DNM3: variants seen among roughly 807,000 people sequenced by gnomAD.
DNM3 encodes the protein dynamin-3.
A neutral mutation model predicts 101.6 loss-of-function variants in DNM3; 47 were observed. The observed-to-expected ratio is 0.46, with a 90% CI of 0.37 to 0.59. The LOEUF is 0.59. Ranked by LOEUF, DNM3 falls within the 20% of genes least tolerant of loss-of-function variation. The pLI is 0.00. For missense variants in DNM3, 849 were observed against 1,085.7 expected (o/e 0.78, Z 3.06); for synonymous variants, 385 against 387.9 (o/e 0.99, Z 0.09).
At chr1:171,855,052 G>A (rs1350126696) in intron 1 of DNM3, among the ~76,000 whole-genome samples, 3 of 151,950 alleles carry the variant, frequency 2.0e-5, no homozygotes, top group African/African-American at 2.4e-5. Context: ...CCCTCAAGGA[G>A]GCCCCAGTGT....
intron 20 of DNM3, among the ~76,000 whole-genome samples, chr1:172,398,161 C>T (rs1276356883): frequency 6.6e-6 from 1 of 152,150 alleles, no homozygotes; most frequent in Non-Finnish European, 1.5e-5. Flanking sequence ...GTCTTTAGCT[C>T]AGAAAGCAAT....
intron 14 of DNM3, among the ~76,000 whole-genome samples, chr1:172,227,089 A>G (rs185382844): frequency 2.6e-5 from 4 of 151,436 alleles, no homozygotes; most frequent in African/African-American, 9.7e-5. Context: ...TCCAATGTCC[A>G]TTATACCACT....
intron 14 of DNM3, among the ~76,000 whole-genome samples, chr1:172,212,605 T>C (rs990323615): frequency 6.6e-6 from 1 of 152,176 alleles, no homozygotes; most frequent in Non-Finnish European, 1.5e-5. Context: ...GAAGGTGTGA[T>C]ATGTCATTTA....
chr1:172,232,873 G>A (rs1378964561), intron 14 of DNM3, among the ~76,000 whole-genome samples: 2 of 152,048 alleles, frequency 1.3e-5, no homozygotes, highest in Non-Finnish European at 1.5e-5. Flanking sequence ...AGAATCTCTG[G>A]GACACATTTA....
intron 6 of DNM3, among the ~76,000 whole-genome samples, chr1:172,035,977 C>T (rs1355683987): frequency 6.6e-6 from 1 of 151,730 alleles, no homozygotes; most frequent in Non-Finnish European, 1.5e-5. Flanking sequence ...TATGTTAATT[C>T]TCCTTACTTT....
At chr1:171,991,287 C>T (rs1463452353) in intron 4 of DNM3, among the ~76,000 whole-genome samples, 2 of 152,072 alleles carry the variant, frequency 1.3e-5, no homozygotes, top group Non-Finnish European at 2.9e-5. Context: ...ATTGAGGGTT[C>T]AGTCCCACAA....
In DNM3 at chr1:172,278,296, G is replaced by A. The variant is rs1411536522; in HGVS notation, c.1769+24614G>A. 8.5e-5 allele frequency among the ~76,000 whole-genome samples: 13 copies of A among 152,070 alleles called. No homozygotes were observed. In the East Asian group the frequency reaches 2.3e-3, roughly 27 times the overall value. On this transcript the variant is annotated intron_variant, in intron 15 of 20. Coordinates refer to ENST00000627582, the MANE Select transcript of DNM3 (RefSeq NM_015569.5). ...TCATCATTTATAGCCCCTTCAAAGGGCCATTAGTGTTTCACAATATGTAAT... is the reference window on the plus strand; with the variant it reads ...TCATCATTTATAGCCCCTTCAAAGGACCATTAGTGTTTCACAATATGTAAT...
At chr1:172,172,896 C>T (rs375131699) in intron 14 of DNM3, among the ~76,000 whole-genome samples, 37 of 151,810 alleles carry the variant, frequency 2.4e-4, no homozygotes, top group African/African-American at 8.9e-4. Flanking sequence ...CACTCATTTC[C>T]AGTTTTTCCA....
rs947920114 is a variant in DNM3 at position 172,247,424 on chromosome 1, A to G, written c.1660-6149A>G. On this transcript the variant is annotated intron_variant, in intron 14 of 20. Transcript: ENST00000627582. ...GTGAAGCATAAGTACTCTCTGCAAC[A>G]TAGAATATTCTGTTAGTCTGTCATA... is the stretch of plus-strand genomic sequence containing the variant. 3.3e-5 allele frequency among the ~76,000 whole-genome samples: 5 copies of G among 152,158 alleles called. No homozygotes were observed. The South Asian group carries it at 1.0e-3, about 31-fold the overall frequency.
In DNM3 at chr1:172,412,059, CTT is replaced by C; in HGVS notation, c.*4220_*4221del. The C allele has an allele frequency of 1.1e-6, 1 of 933,494 alleles. No individual in the cohort carries two copies. Among genetic ancestry groups the C allele is most frequent in the South Asian group, 5.0e-5 (1 of 19,806 alleles). 57.8% of individuals were successfully genotyped at this position (933,494 alleles called of 1,614,324 possible). On this transcript the variant is annotated 3_prime_UTR_variant, in exon 21 of 21. Coordinates refer to ENST00000627582, the MANE Select transcript of DNM3 (RefSeq NM_015569.5). ...CTGCTATTTGTGTGTGTGTGTGTGT[CTT>C]TGTATATATGTAAGAATGTGTGTAT...
At chr1:172,141,503 G>A (rs1360370277) in intron 14 of DNM3, among the ~76,000 whole-genome samples, 1 of 152,016 alleles carries the variant, frequency 6.6e-6, no homozygotes, top group Non-Finnish European at 1.5e-5. Context: ...TGAAAGCTTT[G>A]GCGTCTCTTT....
At chr1:172,250,877 A>G (rs935639322) in intron 14 of DNM3, among the ~76,000 whole-genome samples, 2 of 152,146 alleles carry the variant, frequency 1.3e-5, no homozygotes, top group Admixed American at 1.3e-4. Context: ...ATGGAACTAC[A>G]TATGTCATTT....
intron 15 of DNM3, among the ~76,000 whole-genome samples, chr1:172,305,723 T>G (rs1335794862): frequency 1.3e-5 from 2 of 152,200 alleles, no homozygotes; most frequent in Non-Finnish European, 2.9e-5. Flanking sequence ...CAAGGCTGGT[T>G]CAACATACAC....
At chr1:172,352,275 C>T (rs1257052030) in intron 17 of DNM3, among the ~76,000 whole-genome samples, 3 of 152,158 alleles carry the variant, frequency 2.0e-5, no homozygotes, top group African/African-American at 7.2e-5. Context: ...TTAAAATTGC[C>T]ATTCCATTAA....
At chr1:172,148,696 A>G (rs1572725308) in intron 14 of DNM3, among the ~76,000 whole-genome samples, 1 of 152,098 alleles carries the variant, frequency 6.6e-6, no homozygotes, top group Non-Finnish European at 1.5e-5. Context: ...TATCTAAGAT[A>G]AAAATCTAGC....
intron 2 of DNM3, among the ~76,000 whole-genome samples, chr1:171,974,789 T>C (rs2044251252): frequency 6.6e-6 from 1 of 151,856 alleles, no homozygotes. Context: ...GTTCCATTAA[T>C]TGAGTTTTCT....
intron 10 of DNM3, among the ~76,000 whole-genome samples, chr1:172,056,986 G>C (rs2050691414): frequency 6.6e-6 from 1 of 152,018 alleles, no homozygotes; most frequent in African/African-American, 2.4e-5. Flanking sequence ...AACCAATACA[G>C]AGAAGTGCTT....
intron 17 of DNM3, 50 bp from the exon 18 acceptor site, chr1:172,378,968 T>C: frequency 1.3e-6 from 2 of 1,563,466 alleles, no homozygotes; most frequent in Non-Finnish European, 1.7e-6. Context: ...CATTTTATTT[T>C]CTTCTGAGTG....
intron 12 of DNM3, among the ~76,000 whole-genome samples, chr1:172,092,095 G>C (rs900093815): frequency 5.9e-5 from 9 of 152,110 alleles, no homozygotes; most frequent in African/African-American, 1.9e-4. Flanking sequence ...ACAGATTTTA[G>C]GGGGGATTTC....
Sources: allele counts gnomAD v4.1 joint callset (sites outside exome capture counted in the v4.1 genomes callset), GRCh38; gene constraint gnomAD v4.1.1; transcripts MANE v1.5; gene names NCBI Gene and HGNC (gene_info 2026-07-23, HGNC 2026-07-21).